The following ADAT2 variants were observed in gnomAD, a reference collection of about 807,000 sequenced individuals.
The protein encoded by ADAT2 is tRNA-specific adenosine-34 deaminase catalytic subunit ADAT2.
A neutral mutation model predicts 25.9 loss-of-function variants in ADAT2; 26 were observed. The ratio of observed to expected loss-of-function variants is 1.00; its 90% CI spans 0.74 to 1.39. ADAT2 has a LOEUF of 1.39. Among genes scored for constraint, ADAT2 ranks in the 40% most tolerant of loss-of-function variants. ADAT2 has a pLI of 0.00. For missense variants in ADAT2, 220 were observed against 244.8 expected, an observed-to-expected ratio of 0.90 and a Z score of 0.68; for synonymous variants, 76 against 86.8, an observed-to-expected ratio of 0.88 and a Z score of 0.69.
intron 1 of ADAT2, among the ~76,000 whole-genome samples, chr6:143,439,996 C>T (rs959890640): frequency 1.3e-5 from 2 of 152,236 alleles, no homozygotes; most frequent in South Asian, 4.1e-4. Flanking sequence ...GCTCTGGGCC[C>T]TAGGAAAATT....
chr6:143,439,959 C>T (rs898855753), intron 1 of ADAT2, among the ~76,000 whole-genome samples: 1 of 152,156 alleles, frequency 6.6e-6, no homozygotes, highest in Non-Finnish European at 1.5e-5. Flanking sequence ...ACAGGCCATT[C>T]GTTTTTCTTC....
chr6:143,429,885 A>T (rs1466617721), intron 4 of ADAT2, among the ~76,000 whole-genome samples: 3 of 152,148 alleles, frequency 2.0e-5, no homozygotes, highest in African/African-American at 7.2e-5. Context: ...AACCTTCGCC[A>T]TAACAAATAA....
At chr6:143,445,860 A>G (rs556334631) in intron 1 of ADAT2, among the ~76,000 whole-genome samples, 1 of 152,230 alleles carries the variant, frequency 6.6e-6, no homozygotes, top group African/African-American at 2.4e-5. Context: ...TTTCTTTTCG[A>G]ATTTCCCTCA....
Position 143,440,375 on chromosome 6 carries a change from T to C in ADAT2, c.97-1681A>G, listed in dbSNP as rs571938568. Among the ~76,000 whole-genome samples, 4 of 152,332 alleles carry C rather than the reference T, an allele frequency of 2.6e-5. No homozygotes were observed. Among genetic ancestry groups the C allele is most frequent in the African/African-American group, 7.2e-5 (3 of 41,580 alleles). ...TTTAACTAGTGACAACTTCCTATTA[T>C]AAGGCATACAGGATTTCCTCAGTTA... On this transcript the variant is annotated intron_variant, in intron 1 of 5. Transcript: ENST00000237283. This position sits in a 1 kb window ranked among gnomAD's most constrained non-coding sequence, Gnocchi z 4.5.
In ADAT2 at chr6:143,433,825, G is replaced by A; in HGVS notation, c.352+6C>T. On this transcript the variant is annotated splice_donor_region_variant and intron_variant, in intron 3 of 5. Transcript: ENST00000237283. ...CGATACATTAACTCATGAAGTCAAAGGATACTCATCAGGCGGAGAGCAGCT... is the reference window on the plus strand; with the variant it reads ...CGATACATTAACTCATGAAGTCAAAAGATACTCATCAGGCGGAGAGCAGCT... 1 of 1,613,278 alleles carries A rather than the reference G, an allele frequency of 6.2e-7. No individual in the cohort carries two copies. The highest frequency in any genetic ancestry group is 2.2e-5 in the East Asian group (1 of 44,868).
chr6:143,433,634 C>T (rs908406002), intron 3 of ADAT2, among the ~76,000 whole-genome samples, 197 bp downstream of exon 3: 1 of 152,010 alleles, frequency 6.6e-6, no homozygotes, highest in African/African-American at 2.4e-5. Flanking sequence ...TTAATCATTC[C>T]ATGTTTATTG....
chr6:143,427,607 T>G lies in ADAT2; in HGVS notation c.*856A>C, dbSNP rs1477403669. 1.3e-5 allele frequency: 2 copies of G among 152,242 alleles called. No individual in the cohort carries two copies. Among genetic ancestry groups the G allele is most frequent in the African/African-American group, 4.8e-5 (2 of 41,472 alleles). 9.4% of individuals were successfully genotyped at this position (152,242 alleles called of 1,614,324 possible). On this transcript the variant is annotated 3_prime_UTR_variant, in exon 6 of 6. Coordinates refer to ENST00000237283, the MANE Select transcript of ADAT2 (RefSeq NM_182503.3). ...TGATCATTCTATTTTTCAGTCAGCA[T>G]TCTCACCACCAAATGGCACCTATCC...
Position 143,440,410 on chromosome 6 carries a change from T to C in ADAT2, c.97-1716A>G, listed in dbSNP as rs539340639. On this transcript the variant is annotated intron_variant, in intron 1 of 5. Coordinates refer to ENST00000237283, the MANE Select transcript of ADAT2 (RefSeq NM_182503.3). This position sits in a 1 kb window ranked among gnomAD's most constrained non-coding sequence, Gnocchi z 4.5. ...AGGATTTCCTCAGTTATTCCCACCA[T>C]GTTCAACGGACACTTATTCTTCATT... 6.6e-6 allele frequency among the ~76,000 whole-genome samples: 1 copy of C among 152,308 alleles called. No homozygotes were observed. The highest frequency in any genetic ancestry group is 6.5e-5 in the Admixed American group (1 of 15,298).
At chr6:143,445,782 A>G (rs1458610305) in intron 1 of ADAT2, among the ~76,000 whole-genome samples, 1 of 152,208 alleles carries the variant, frequency 6.6e-6, no homozygotes, top group African/African-American at 2.4e-5. Flanking sequence ...TGCACCCAGC[A>G]CAAGGTCTAA....
In ADAT2 at chr6:143,442,495, A is replaced by ACC. The variant is rs1390546337; in HGVS notation, c.97-3802_97-3801insGG. ...CACGCATACACACACACACACACAC[A>ACC]CACACACACACACACGTACAAATAA... On this transcript the variant is annotated intron_variant, in intron 1 of 5. Transcript: ENST00000237283. This position sits in a 1 kb window ranked among gnomAD's most constrained non-coding sequence, Gnocchi z 4.6. Among the ~76,000 whole-genome samples, 3 of 151,894 alleles carry ACC rather than the reference A, an allele frequency of 2.0e-5. No homozygotes were observed. Among genetic ancestry groups the ACC allele is most frequent in the Non-Finnish European group, 4.4e-5 (3 of 67,974 alleles).
In ADAT2 at chr6:143,436,151, T is replaced by C. The variant is rs1253080043; in HGVS notation, c.202-2170A>G. ...TCTGCATAGAGAAATGAGATAGAAC[T>C]GCTTCTACTTTCTGTATTTGAAATT... is the stretch of plus-strand genomic sequence containing the variant. On this transcript the variant is annotated intron_variant, in intron 2 of 5. Transcript: ENST00000237283. The surrounding 1 kb of genome is among the most constrained non-coding windows in gnomAD (Gnocchi z 4.1). The C allele has an allele frequency of 6.5e-6, 1 of 153,846 alleles. No homozygotes were observed. Among genetic ancestry groups the C allele is most frequent in the Non-Finnish European group, 1.5e-5 (1 of 68,916 alleles). The allele number at this position is 153,846 out of a possible 1,614,324, so 9.5% of individuals were successfully genotyped here.
rs1779290379 is a variant in ADAT2 at position 143,436,594 on chromosome 6, T to C, written c.201+1996A>G. ...GGGCGAGGGCAAGAATGAGATGGAATTCACTGGGGCCGAGAGCAACATGAA... is the reference window on the plus strand; with the variant it reads ...GGGCGAGGGCAAGAATGAGATGGAACTCACTGGGGCCGAGAGCAACATGAA... On this transcript the variant is annotated intron_variant, in intron 2 of 5. Coordinates refer to ENST00000237283, the MANE Select transcript of ADAT2 (RefSeq NM_182503.3). This position sits in a 1 kb window ranked among gnomAD's most constrained non-coding sequence, Gnocchi z 4.1. 12 of 412,942 alleles carry C rather than the reference T, an allele frequency of 2.9e-5. No homozygotes were observed. Among genetic ancestry groups the C allele is most frequent in the South Asian group, 1.8e-4 (9 of 48,840 alleles). The allele number at this position is 412,942 out of a possible 1,614,324, so 25.6% of individuals were successfully genotyped here. A position where few individuals can be genotyped will look rare whatever the true frequency, so the allele number is the denominator to read the frequency against.
rs746253040 is a variant in ADAT2, at chr6:143,444,949, G to T, written c.96+5614C>A. The T allele has an allele frequency of 7.7e-7, 1 of 1,303,364 alleles. No homozygotes were observed. Among genetic ancestry groups the T allele is most frequent in the Non-Finnish European group, 1.0e-6 (1 of 988,578 alleles). The allele number at this position is 1,303,364 out of a possible 1,614,324, so 80.7% of individuals were successfully genotyped here. ...AGACCTTGTTTGCACACAGTTTGATGAGTCCTTAAAGAAATATTTCCTATA... is the reference window on the plus strand; with the variant it reads ...AGACCTTGTTTGCACACAGTTTGATTAGTCCTTAAAGAAATATTTCCTATA... On this transcript the variant is annotated intron_variant, in intron 1 of 5. Transcript: ENST00000237283. This position sits in a 1 kb window ranked among gnomAD's most constrained non-coding sequence, Gnocchi z 4.3.
At chr6:143,438,746 G>A (rs1425407615) in intron 1 of ADAT2, 52 bp from the exon 2 acceptor site, 1 of 1,437,802 alleles carries the variant, frequency 7.0e-7, no homozygotes, top group Non-Finnish European at 9.8e-7. Context: ...CTTGAAGAGA[G>A]TATAGGAGAG....
rs1176957324 is a variant in ADAT2 at position 143,427,120 on chromosome 6, C to CAT, written c.*1342_*1343insAT. On this transcript the variant is annotated 3_prime_UTR_variant, in exon 6 of 6. Coordinates refer to ENST00000237283, the MANE Select transcript of ADAT2 (RefSeq NM_182503.3). ...AAACACACACACACACACACACACA[C>CAT]ACACACACACACACAAAACCAAGCA... 1 of 152,466 alleles carries CAT rather than the reference C, an allele frequency of 6.6e-6. No individual in the cohort carries two copies. Among genetic ancestry groups the CAT allele is most frequent in the Non-Finnish European group, 1.5e-5 (1 of 68,138 alleles). 9.4% of individuals were successfully genotyped at this position (152,466 alleles called of 1,614,324 possible). A position where few individuals can be genotyped will look rare whatever the true frequency, so the allele number is the denominator to read the frequency against.
At position 143,450,615 on chromosome 6, in the gene ADAT2, C is replaced by A; in HGVS notation, c.44G>T (p.Cys15Phe). 1 of 1,614,072 alleles carries A rather than the reference C, an allele frequency of 6.2e-7. No individual in the cohort carries two copies. Among genetic ancestry groups the A allele is most frequent in the East Asian group, 2.2e-5 (1 of 44,866 alleles). Residue 15 changes from cysteine to phenylalanine, a missense_variant, in exon 1 of 6, where the codon TGC (cysteine) becomes TTC (phenylalanine). By Grantham distance (205) the Cys-to-Phe change is radical. Coordinates refer to ENST00000237283, the MANE Select transcript of ADAT2 (RefSeq NM_182503.3). Reference sequence around the variant, plus strand: ...TTCGGTCTCCTCTGCCGACACCGAGCACGCGCCGCTTGCAGCTGGCTTGGG... The same window carrying A: ...TTCGGTCTCCTCTGCCGACACCGAGAACGCGCCGCTTGCAGCTGGCTTGGG... ...AAPKPAASGA[C>F]SVSAEETEKW...
chr6:143,434,334 A>T lies in ADAT2; in HGVS notation c.202-353T>A, dbSNP rs1305756521. 6.6e-6 allele frequency among the ~76,000 whole-genome samples: 1 copy of T among 152,248 alleles called. No homozygotes were observed. The highest frequency in any genetic ancestry group is 2.4e-5 in the African/African-American group (1 of 41,472). On this transcript the variant is annotated intron_variant, in intron 2 of 5. Coordinates refer to ENST00000237283, the MANE Select transcript of ADAT2 (RefSeq NM_182503.3). The surrounding 1 kb of genome is among the most constrained non-coding windows in gnomAD (Gnocchi z 4.5). ...GGTTTCTGAATATTTCAGGGGAAGCAAAATTTTCATAAGCTTGTGCTCTAG... is the reference window on the plus strand; with the variant it reads ...GGTTTCTGAATATTTCAGGGGAAGCTAAATTTTCATAAGCTTGTGCTCTAG...
chr6:143,435,346 G>A (rs1031095536), intron 2 of ADAT2, among the ~76,000 whole-genome samples: 1 of 152,110 alleles, frequency 6.6e-6, no homozygotes, highest in African/African-American at 2.4e-5. Context: ...ACATACAGCT[G>A]GGAGAGGAGG....
intron 2 of ADAT2, among the ~76,000 whole-genome samples, chr6:143,438,180 T>C (rs1779346952): frequency 6.6e-6 from 1 of 152,228 alleles, no homozygotes; most frequent in Non-Finnish European, 1.5e-5. Context: ...AAAAGGAATG[T>C]ATTATGAGTT....
Sources: allele counts gnomAD v4.1 joint callset (sites outside exome capture counted in the v4.1 genomes callset), GRCh38; gene constraint gnomAD v4.1.1; non-coding constraint Gnocchi (gnomAD v3.1); transcripts MANE v1.5; gene names NCBI Gene and HGNC (gene_info 2026-07-23, HGNC 2026-07-21).